The following LDHB variants were observed in gnomAD, a reference collection of about 807,000 sequenced individuals.
The protein encoded by LDHB is L-lactate dehydrogenase B chain.
A neutral mutation model predicts 33.4 loss-of-function variants in LDHB; 18 were observed. That is an observed-to-expected ratio of 0.54 (90% CI 0.37 to 0.80). The LOEUF is 0.80. Among genes scored for constraint, LDHB ranks in the 30% least tolerant of loss-of-function variants. The pLI is 0.00. For synonymous variants in LDHB, 121 were observed against 140.6 expected, an observed-to-expected ratio of 0.86 and a Z score of 0.98; for missense variants, 345 against 407.9, an observed-to-expected ratio of 0.85 and a Z score of 1.33.
rs1483565802 is a variant in LDHB, at chr12:21,643,945, A to G, written c.411T>C (p.Val137=). 6.2e-7 allele frequency: 1 copy of G among 1,609,790 alleles called. No homozygotes were observed. Among genetic ancestry groups the G allele is most frequent in the Non-Finnish European group, 8.5e-7 (1 of 1,176,128 alleles). The change falls in exon 4 of 8, where the codon GTT becomes GTC. Residue 137 remains valine, a synonymous_variant. Coordinates refer to ENST00000350669, the MANE Select transcript of LDHB (RefSeq NM_002300.8). ...KYSPDCIIIV[V]SNPVDILTYV... ...AGTATACAATAATACCTGGGTTGGA[A>G]ACCACAATTATGATGCAATCAGGAC... is the stretch of plus-strand genomic sequence containing the variant.
rs1390429143 is a variant in LDHB at position 21,637,001 on chromosome 12, T to C, written c.837+70A>G. On this transcript the variant is annotated intron_variant, in intron 7 of 7. Coordinates refer to ENST00000350669, the MANE Select transcript of LDHB (RefSeq NM_002300.8). Reference sequence around the variant, plus strand: ...ACTATGATTTTATCTGGTCTGAGCCTCTTTAAATGAATCTTTTTGTAGAAT... The same window carrying C: ...ACTATGATTTTATCTGGTCTGAGCCCCTTTAAATGAATCTTTTTGTAGAAT... 5 of 1,258,036 alleles carry C rather than the reference T, an allele frequency of 4.0e-6. No homozygotes were observed. In the African/African-American group the frequency reaches 7.3e-5, roughly 18 times the overall value. The allele number at this position is 1,258,036 out of a possible 1,614,324, so 77.9% of individuals were successfully genotyped here. A position where few individuals can be genotyped will look rare whatever the true frequency, so the allele number is the denominator to read the frequency against.
At chr12:21,639,949 T>C (rs998716092) in intron 5 of LDHB, among the ~76,000 whole-genome samples, 2 of 152,030 alleles carry the variant, frequency 1.3e-5, no homozygotes, top group Non-Finnish European at 2.9e-5. Flanking sequence ...CAAATTCTTA[T>C]AGCACCAAGA....
At position 21,637,402 on chromosome 12, in the gene LDHB, T is replaced by A. The variant is rs76751827; in HGVS notation, c.714-208A>T. 7.6e-3 allele frequency: 3,603 copies of A among 473,178 alleles called. 103 individuals are homozygous for A. The highest frequency in any genetic ancestry group is 0.063 in the African/African-American group (3,241 of 51,342). The allele number at this position is 473,178 out of a possible 1,614,324, so 29.3% of individuals were successfully genotyped here. A position where few individuals can be genotyped will look rare whatever the true frequency, so the allele number is the denominator to read the frequency against. On this transcript the variant is annotated intron_variant, in intron 6 of 7. Coordinates refer to ENST00000350669, the MANE Select transcript of LDHB (RefSeq NM_002300.8). Reference sequence around the variant, plus strand: ...TAAGCACTACACAGTAAACACTATATAAATGCTTGATAACTTTAGTTTATT... The same window carrying A: ...TAAGCACTACACAGTAAACACTATAAAAATGCTTGATAACTTTAGTTTATT...
chr12:21,657,326 G>T (rs1161130643), intron 1 of LDHB: 1 of 152,136 alleles, frequency 6.6e-6, no homozygotes, highest in Non-Finnish European at 1.5e-5. Flanking sequence ...CTATTACCGT[G>T]GCAATATATT....
At position 21,657,708 on chromosome 12, in the gene LDHB, C is replaced by A. The variant is rs149902344; in HGVS notation, c.-7+43G>T. 103 of 152,624 alleles carry A rather than the reference C, an allele frequency of 6.7e-4. 1 individual carries two copies. In the East Asian group the frequency reaches 9.8e-3, roughly 15 times the overall value. The allele number at this position is 152,624 out of a possible 1,614,324, so 9.5% of individuals were successfully genotyped here. A position where few individuals can be genotyped will look rare whatever the true frequency, so the allele number is the denominator to read the frequency against. ...GTACTACCCCGCACGTCCCATCAGG[C>A]TTGCCTGTGGGCCAGGATTCAGGGT... On this transcript the variant is annotated intron_variant, in intron 1 of 7. Coordinates refer to ENST00000350669, the MANE Select transcript of LDHB (RefSeq NM_002300.8).
intron 2 of LDHB, among the ~76,000 whole-genome samples, chr12:21,651,358 G>A (rs1044397189): frequency 2.0e-5 from 3 of 152,186 alleles, no homozygotes. Context: ...AGCTCTCTAT[G>A]GTTATTATAT....
At chr12:21,653,700 CAT>C (rs1389145164) in intron 2 of LDHB, among the ~76,000 whole-genome samples, 4 of 151,260 alleles carry the variant, frequency 2.6e-5, no homozygotes, top group Admixed American at 6.6e-5. Context: ...TAAATAACAA[CAT>C]GTTAAGAATT....
intron 2 of LDHB, among the ~76,000 whole-genome samples, chr12:21,648,212 G>GT (rs1938581976): frequency 6.6e-6 from 1 of 152,038 alleles, no homozygotes; most frequent in Non-Finnish European, 1.5e-5. Context: ...AAAAATATCA[G>GT]CTAAGTAGAA....
chr12:21,649,807 G>A (rs1475224688), intron 2 of LDHB, among the ~76,000 whole-genome samples: 1 of 152,038 alleles, frequency 6.6e-6, no homozygotes, highest in East Asian at 1.9e-4. Flanking sequence ...ATATCCAAGT[G>A]TTGGCCAGGG....
chr12:21,644,048 T>C lies in LDHB; in HGVS notation c.308A>G (p.Glu103Gly), dbSNP rs1414205301. 6.2e-7 allele frequency: 1 copy of C among 1,613,318 alleles called. No homozygotes were observed. The highest frequency in any genetic ancestry group is 1.1e-5 in the South Asian group (1 of 91,070). The change falls in exon 4 of 8, where the codon GAA becomes GGA. Residue 103 changes from glutamate (E) to glycine (G), a missense_variant. Coordinates refer to ENST00000350669, the MANE Select transcript of LDHB (RefSeq NM_002300.8). ...CACCAGATTGAGCCGACTCTCCCCTTCTTGCTGACGGACTCCTGCAGTTAC... is the reference window on the plus strand; with the variant it reads ...CACCAGATTGAGCCGACTCTCCCCTCCTTGCTGACGGACTCCTGCAGTTAC... ...VVVTAGVRQQ[E>G]GESRLNLVQR...
chr12:21,650,597 T>C (rs1446453364), intron 2 of LDHB, among the ~76,000 whole-genome samples: 3 of 152,168 alleles, frequency 2.0e-5, no homozygotes, highest in Non-Finnish European at 4.4e-5. Flanking sequence ...ACATGATGAG[T>C]TCGACATTCA....
intron 3 of LDHB, 70 bp downstream of exon 3, chr12:21,646,829 G>T: frequency 1.2e-6 from 1 of 860,464 alleles, no homozygotes; most frequent in Non-Finnish European, 2.0e-6. Flanking sequence ...TATGCTGTAA[G>T]ATGCATTCCA....
intron 2 of LDHB, among the ~76,000 whole-genome samples, chr12:21,650,145 C>CTT (rs1565629869): frequency 6.9e-5 from 10 of 145,858 alleles, no homozygotes; most frequent in Admixed American, 5.5e-4. Flanking sequence ...CACACACACA[C>CTT]ACACACGTCT....
chr12:21,635,778 C>G (rs1040442214), intron 7 of LDHB, 69 bp from the exon 8 acceptor site: 42 of 1,436,122 alleles, frequency 2.9e-5, no homozygotes, highest in Non-Finnish European at 1.9e-6. Context: ...AGACAGGAGG[C>G]TGAGGTGGGA....
chr12:21,642,962 C>T (rs968027180), intron 4 of LDHB, among the ~76,000 whole-genome samples: 4 of 152,214 alleles, frequency 2.6e-5, no homozygotes, highest in Non-Finnish European at 4.4e-5. Context: ...CATTTAGTGA[C>T]GCCTGCCTGA....
At chr12:21,653,562 GAT>G (rs1565631029) in intron 2 of LDHB, among the ~76,000 whole-genome samples, 1 of 152,084 alleles carries the variant, frequency 6.6e-6, no homozygotes, top group African/African-American at 2.4e-5. Flanking sequence ...GCCATCTATA[GAT>G]AGATATAGAC....
In LDHB at chr12:21,642,139, AAAT is replaced by A. The variant is rs748707163; in HGVS notation, c.422-17_422-15del. 1 of 1,606,912 alleles carries A rather than the reference AAAT, an allele frequency of 6.2e-7. No individual in the cohort carries two copies. The highest frequency in any genetic ancestry group is 2.2e-5 in the East Asian group (1 of 44,842). On this transcript the variant is annotated splice_polypyrimidine_tract_variant and intron_variant, in intron 4 of 7. Transcript: ENST00000350669. ...TAAGAATGTCCACTAAAAATTTTGGAAATAATATATGTAAGTAAACCAAAACCA... is the reference window on the plus strand; with the variant it reads ...TAAGAATGTCCACTAAAAATTTTGGAAATATATGTAAGTAAACCAAAACCA...
intron 7 of LDHB, among the ~76,000 whole-genome samples, chr12:21,636,798 T>C (rs548298703): frequency 1.4e-4 from 21 of 152,104 alleles, no homozygotes; most frequent in Non-Finnish European, 2.8e-4. Flanking sequence ...AAATGATCAA[T>C]ACTTTAAGAA....
At chr12:21,655,877 G>A (rs1456343692) in intron 1 of LDHB, among the ~76,000 whole-genome samples, 2 of 152,150 alleles carry the variant, frequency 1.3e-5, no homozygotes, top group Admixed American at 1.3e-4. Context: ...TCAATTCCAT[G>A]GCAATTTATA....
Sources: allele counts gnomAD v4.1 joint callset (sites outside exome capture counted in the v4.1 genomes callset), GRCh38; gene constraint gnomAD v4.1.1; transcripts MANE v1.5; gene names NCBI Gene and HGNC (gene_info 2026-07-23, HGNC 2026-07-21).